The following REDIC1 variants were observed in gnomAD, a reference collection of about 807,000 sequenced individuals.
The protein encoded by REDIC1 is regulator of DNA class I crossover intermediates 1, also known as HEI10 Interacting Protein 1.
the REDIC1 span, among the ~76,000 whole-genome samples, chr12:39,890,082 C>CA: frequency 6.6e-6 from 1 of 151,974 alleles, no homozygotes; most frequent in Non-Finnish European, 1.5e-5. Flanking sequence ...AGCCAGTCAC[C>CA]AATTTTAAGT....
chr12:39,746,556 T>C, the REDIC1 span, among the ~76,000 whole-genome samples: 10 of 152,216 alleles, frequency 6.6e-5, no homozygotes, highest in Admixed American at 6.5e-4. Flanking sequence ...AATGTCCCTG[T>C]CTGACAGCTT....
chr12:39,782,970 A>G, the REDIC1 span, among the ~76,000 whole-genome samples: 1 of 152,186 alleles, frequency 6.6e-6, no homozygotes, highest in Non-Finnish European at 1.5e-5. Flanking sequence ...TGCTGCACCC[A>G]TTAACTCGTC....
At chr12:39,773,667 A>G in the REDIC1 span, among the ~76,000 whole-genome samples, 2 of 152,226 alleles carry the variant, frequency 1.3e-5, no homozygotes, top group East Asian at 1.9e-4. Context: ...CATGCTGTCT[A>G]TATTGCCCCT....
the REDIC1 span, among the ~76,000 whole-genome samples, chr12:39,744,977 A>C: frequency 6.6e-6 from 1 of 152,336 alleles, no homozygotes; most frequent in South Asian, 2.1e-4. Flanking sequence ...ATATATTAAA[A>C]GTAAGAAGAT....
chr12:39,852,790 T>C, the REDIC1 span, among the ~76,000 whole-genome samples: 6 of 152,188 alleles, frequency 3.9e-5, no homozygotes, highest in Admixed American at 2.6e-4. Flanking sequence ...ACCAATCAGA[T>C]TGGTTGTGAC....
the REDIC1 span, among the ~76,000 whole-genome samples, chr12:39,869,898 A>G: frequency 6.6e-6 from 1 of 152,312 alleles, no homozygotes; most frequent in Admixed American, 6.5e-5. Flanking sequence ...AGTATTTGAA[A>G]TCCTATACAT....
chr12:39,712,063 T>TGTATATATACAG, the REDIC1 span, among the ~76,000 whole-genome samples: 1,766 of 103,958 alleles, frequency 0.017, 49 homozygotes, highest in African/African-American at 0.051. Context: ...TATATATACA[T>TGTATATATACAG]GTATATATAC....
At chr12:39,848,824 G>A in the REDIC1 span, among the ~76,000 whole-genome samples, 1 of 152,042 alleles carries the variant, frequency 6.6e-6, no homozygotes. Flanking sequence ...ATATACACCA[G>A]GGAATATTAT....
At chr12:39,837,729 C>A in the REDIC1 span, among the ~76,000 whole-genome samples, 1 of 152,184 alleles carries the variant, frequency 6.6e-6, no homozygotes, top group African/African-American at 2.4e-5. Flanking sequence ...AACCAAAAAA[C>A]ACATGAAAAA....
At chr12:39,705,835 C>T in the REDIC1 span, among the ~76,000 whole-genome samples, 1 of 152,052 alleles carries the variant, frequency 6.6e-6, no homozygotes, top group African/African-American at 2.4e-5. Context: ...CCATGTATGA[C>T]AGACCCACAG....
chr12:39,833,146 A>T, the REDIC1 span, among the ~76,000 whole-genome samples: 3 of 152,130 alleles, frequency 2.0e-5, no homozygotes, highest in African/African-American at 7.2e-5. Context: ...TCTGTAAAAA[A>T]GGTTTACAGA....
At chr12:39,641,569 T>C in the REDIC1 span, among the ~76,000 whole-genome samples, 1 of 151,646 alleles carries the variant, frequency 6.6e-6, no homozygotes, top group Middle Eastern at 3.2e-3. Flanking sequence ...AGTAGAATAG[T>C]AGAATGGTTA....
the REDIC1 span, among the ~76,000 whole-genome samples, chr12:39,713,675 A>G: frequency 6.9e-6 from 1 of 145,190 alleles, no homozygotes; most frequent in Admixed American, 6.9e-5. Flanking sequence ...ATACATATGT[A>G]TGTATGCCTG....
At chr12:39,690,246 G>C in the REDIC1 span, among the ~76,000 whole-genome samples, 1 of 152,210 alleles carries the variant, frequency 6.6e-6, no homozygotes, top group African/African-American at 2.4e-5. Context: ...CAAGCCTCTT[G>C]GATGGGGACA....
At chr12:39,856,642 C>T in the REDIC1 span, among the ~76,000 whole-genome samples, 2 of 152,234 alleles carry the variant, frequency 1.3e-5, no homozygotes, top group African/African-American at 2.4e-5. Context: ...GCTGGGATTA[C>T]AGGCATGAGC....
the REDIC1 span, among the ~76,000 whole-genome samples, chr12:39,809,466 A>G: frequency 2.0e-5 from 3 of 152,144 alleles, no homozygotes; most frequent in Non-Finnish European, 4.4e-5. Flanking sequence ...GAATTACTTG[A>G]GTTGATCTAG....
At chr12:39,716,005 C>G in the REDIC1 span, among the ~76,000 whole-genome samples, 1 of 151,942 alleles carries the variant, frequency 6.6e-6, no homozygotes, top group Non-Finnish European at 1.5e-5. Flanking sequence ...CTCTCTGCCT[C>G]TCAGCTGACT....
the REDIC1 span, among the ~76,000 whole-genome samples, chr12:39,726,318 C>T: frequency 1.3e-5 from 2 of 152,046 alleles, no homozygotes; most frequent in East Asian, 1.9e-4. Context: ...CCCTAGCCCC[C>T]CACACCCCAA....
the REDIC1 span, among the ~76,000 whole-genome samples, chr12:39,732,833 GA>G: frequency 1.3e-5 from 2 of 152,160 alleles, no homozygotes; most frequent in Non-Finnish European, 2.9e-5. Context: ...CCTTTGACAT[GA>G]ACCTCATAGG....
Sources: allele counts gnomAD v4.1 joint callset (sites outside exome capture counted in the v4.1 genomes callset), GRCh38; gene constraint gnomAD v4.1.1; transcripts MANE v1.5; gene names NCBI Gene and HGNC (gene_info 2026-07-23, HGNC 2026-07-21).